Variants in SYT17 observed in about 807,000 individuals in gnomAD.
SYT17 encodes the protein synaptotagmin-17.
A neutral mutation model predicts 46.7 loss-of-function variants in SYT17; 22 were observed. The ratio of observed to expected loss-of-function variants is 0.47; its 90% CI spans 0.34 to 0.67. The LOEUF is 0.67. SYT17 is among the 30% of genes least tolerant of loss of function. SYT17 has a pLI of 0.01. For missense variants in SYT17, 519 were observed against 612.8 expected, an observed-to-expected ratio of 0.85 and a Z score of 1.62; for synonymous variants, 251 against 248.4, an observed-to-expected ratio of 1.01 and a Z score of -0.10.
intron 3 of SYT17, among the ~76,000 whole-genome samples, chr16:19,179,877 G>T (rs1187976609): frequency 2.0e-5 from 3 of 152,178 alleles, no homozygotes; most frequent in African/African-American, 7.2e-5. Flanking sequence ...AGAAATTGTT[G>T]ATTTTCAGGG....
intron 1 of SYT17, chr16:19,170,823 T>C (rs1964051862): frequency 6.6e-6 from 1 of 152,142 alleles, no homozygotes; most frequent in Admixed American, 6.5e-5. Flanking sequence ...GGGTATAATA[T>C]TTTGCTGTTT....
chr16:19,204,253 G>A (rs1344385210), intron 5 of SYT17, among the ~76,000 whole-genome samples: 2 of 152,090 alleles, frequency 1.3e-5, no homozygotes, highest in Non-Finnish European at 2.9e-5. Flanking sequence ...TCCAGACATT[G>A]CCACATGCCC....
rs947319477 is a variant in SYT17 at position 19,267,200 on chromosome 16, C to A, written c.*124C>A. The A allele has an allele frequency of 1.8e-5, 14 of 797,106 alleles. No homozygotes were observed. The African/African-American group carries it at 2.3e-4, about 13-fold the overall frequency. The allele number at this position is 797,106 out of a possible 1,614,324, so 49.4% of individuals were successfully genotyped here. On this transcript the variant is annotated 3_prime_UTR_variant, in exon 8 of 8. Coordinates refer to ENST00000355377, the MANE Select transcript of SYT17 (RefSeq NM_016524.4). ...CGCAACATGTCTACACACGTCCACA[C>A]ACACAGACACACAGATACCCCAAAT...
At chr16:19,253,062 G>A (rs1256747841) in intron 7 of SYT17, among the ~76,000 whole-genome samples, 1 of 152,200 alleles carries the variant, frequency 6.6e-6, no homozygotes, top group Non-Finnish European at 1.5e-5. Context: ...GGGAACCACT[G>A]CTTTAGACAG....
At chr16:19,172,569 C>T in intron 1 of SYT17, 191 bp from the exon 2 acceptor site, 2 of 1,515,390 alleles carry the variant, frequency 1.3e-6, no homozygotes, top group Non-Finnish European at 1.8e-6. Flanking sequence ...CTGAAAATAG[C>T]AACACCTTGT....
chr16:19,248,004 T>A (rs1026049588), intron 7 of SYT17, among the ~76,000 whole-genome samples: 2 of 152,104 alleles, frequency 1.3e-5, no homozygotes, highest in Admixed American at 1.3e-4. Flanking sequence ...CCGGAATATA[T>A]AAAGAGCTCT....
chr16:19,211,537 A>C, intron 5 of SYT17: 1 of 698,060 alleles, frequency 1.4e-6, no homozygotes, highest in South Asian at 1.5e-5. Context: ...ACTGAGTGTT[A>C]ATGGGAAGCT....
At chr16:19,261,944 T>C (rs980568902) in intron 7 of SYT17, among the ~76,000 whole-genome samples, 1 of 152,168 alleles carries the variant, frequency 6.6e-6, no homozygotes, top group Non-Finnish European at 1.5e-5. Context: ...TGAGCTCAAG[T>C]AGGCTACTAG....
chr16:19,202,271 C>T (rs969348422), intron 5 of SYT17, among the ~76,000 whole-genome samples: 5 of 152,192 alleles, frequency 3.3e-5, no homozygotes, highest in Admixed American at 2.0e-4. Context: ...CGACCCCCTC[C>T]TCAAGTTCAA....
intron 7 of SYT17, among the ~76,000 whole-genome samples, chr16:19,227,429 C>T (rs1445292401): frequency 6.6e-6 from 1 of 151,530 alleles, no homozygotes. Context: ...AATTCTCGTG[C>T]CTCAGCCTCC....
intron 3 of SYT17, among the ~76,000 whole-genome samples, chr16:19,173,880 C>T (rs1036245472): frequency 3.3e-5 from 5 of 152,082 alleles, no homozygotes; most frequent in African/African-American, 4.8e-5. Context: ...TCACGTGGAG[C>T]GTGGTTCCGA....
At chr16:19,220,066 A>G (rs1966251237) in intron 5 of SYT17, among the ~76,000 whole-genome samples, 1 of 152,140 alleles carries the variant, frequency 6.6e-6, no homozygotes, top group Non-Finnish European at 1.5e-5. Flanking sequence ...ACCCCTAGCA[A>G]CAGTGCAAAA....
chr16:19,201,043 C>T (rs557007046), intron 5 of SYT17, among the ~76,000 whole-genome samples: 2 of 152,306 alleles, frequency 1.3e-5, no homozygotes, highest in Admixed American at 1.3e-4. Context: ...CCTCAGTGTT[C>T]TTGAGGCCAA....
chr16:19,244,165 G>A (rs750476053), intron 7 of SYT17, among the ~76,000 whole-genome samples: 26 of 152,122 alleles, frequency 1.7e-4, no homozygotes, highest in Non-Finnish European at 3.2e-4. Context: ...AGACGAGGTA[G>A]GTTCTGATGT....
chr16:19,249,306 A>ATAAATAAATAAATAAG (rs1474122495), intron 7 of SYT17, among the ~76,000 whole-genome samples: 56 of 151,062 alleles, frequency 3.7e-4, no homozygotes, highest in Admixed American at 1.7e-3. Context: ...AAATAAATAA[A>ATAAATAAATAAATAAG]TAAGTAAATA....
intron 7 of SYT17, among the ~76,000 whole-genome samples, chr16:19,227,488 T>C (rs1221272567): frequency 6.6e-6 from 1 of 152,148 alleles, no homozygotes; most frequent in East Asian, 1.9e-4. Context: ...GATAATTTTT[T>C]GTATTTTTTG....
chr16:19,169,625 C>T lies in SYT17; in HGVS notation c.15+964C>T, dbSNP rs1326509156. Among the ~76,000 whole-genome samples the T allele has an allele frequency of 2.0e-5, 3 of 152,236 alleles. No individual in the cohort carries two copies. The East Asian group carries it at 5.8e-4, about 29-fold the overall frequency. On this transcript the variant is annotated intron_variant, in intron 1 of 7. Transcript: ENST00000355377. Reference sequence around the variant, plus strand: ...CGTGTCCTCAGACGCTTCAGCCTGCCGGGAACTCTGTGCTGTGTCACCTGG... The same window carrying T: ...CGTGTCCTCAGACGCTTCAGCCTGCTGGGAACTCTGTGCTGTGTCACCTGG...
At chr16:19,169,154 G>T (rs1187343049) in intron 1 of SYT17, among the ~76,000 whole-genome samples, 2 of 152,148 alleles carry the variant, frequency 1.3e-5, no homozygotes, top group Non-Finnish European at 2.9e-5. Context: ...TGAGGGGTGG[G>T]GGACACCCAG....
intron 5 of SYT17, among the ~76,000 whole-genome samples, chr16:19,200,170 C>G (rs1291670472): frequency 1.3e-5 from 2 of 152,248 alleles, no homozygotes; most frequent in Non-Finnish European, 2.9e-5. Context: ...CTCTGGGAAT[C>G]TCTAGACTAG....
Sources: gnomAD v4.1 joint callset for allele counts (sites outside exome capture counted in the v4.1 genomes callset) on GRCh38, gnomAD v4.1.1 for gene constraint, MANE v1.5 for transcripts, NCBI Gene and HGNC (gene_info 2026-07-23, HGNC 2026-07-21) for gene names.